Variants in ARHGEF7 observed in about 807,000 individuals in gnomAD.
ARHGEF7 encodes Rho guanine nucleotide exchange factor 7, also known as PAK-interacting exchange factor beta.
ARHGEF7 carries 33 observed loss-of-function variants against 109.8 expected under a neutral mutation model. The ratio of observed to expected loss-of-function variants is 0.30; its 90% CI spans 0.23 to 0.40. ARHGEF7 has a LOEUF of 0.40. Among genes scored for constraint, ARHGEF7 ranks in the 10% least tolerant of loss-of-function variants. ARHGEF7 has a pLI of 1.00. For missense variants in ARHGEF7, 938 were observed against 1,098.5 expected, an observed-to-expected ratio of 0.85 and a Z score of 2.07; for synonymous variants, 458 against 424.6, an observed-to-expected ratio of 1.08 and a Z score of -0.97.
intron 1 of ARHGEF7, among the ~76,000 whole-genome samples, chr13:111,136,122 A>C (rs1301792843): frequency 6.6e-6 from 1 of 152,178 alleles, no homozygotes; most frequent in African/African-American, 2.4e-5. Flanking sequence ...ATGTTGAACC[A>C]GCCTTGCATC....
intron 8 of ARHGEF7, among the ~76,000 whole-genome samples, chr13:111,248,878 G>T (rs1267599897): frequency 6.6e-6 from 1 of 152,154 alleles, no homozygotes; most frequent in African/African-American, 2.4e-5. Flanking sequence ...TTTGAATTGT[G>T]TCCTGTTTAC....
At chr13:111,123,344 C>A (rs530959071) in intron 1 of ARHGEF7, among the ~76,000 whole-genome samples, 1 of 152,338 alleles carries the variant, frequency 6.6e-6, no homozygotes, top group Admixed American at 6.5e-5. Context: ...AGCCAGCCAA[C>A]CTCAAACATT....
At chr13:111,289,483 C>T (rs934402871) in intron 18 of ARHGEF7, among the ~76,000 whole-genome samples, 1 of 152,180 alleles carries the variant, frequency 6.6e-6, no homozygotes, top group East Asian at 1.9e-4. Context: ...GCTGGGGCCT[C>T]GGACACCACA....
intron 1 of ARHGEF7, among the ~76,000 whole-genome samples, chr13:111,152,790 G>A (rs2075963314): frequency 6.6e-6 from 1 of 152,190 alleles, no homozygotes; most frequent in Non-Finnish European, 1.5e-5. Context: ...ATAATCCTTA[G>A]AGCAAAAAAC....
chr13:111,174,830 T>C (rs2077970248), intron 2 of ARHGEF7, among the ~76,000 whole-genome samples: 1 of 151,208 alleles, frequency 6.6e-6, no homozygotes, highest in South Asian at 2.1e-4. Flanking sequence ...TAGGAAGCAG[T>C]TTGCTGATAA....
intron 17 of ARHGEF7, 142 bp downstream of exon 17, chr13:111,286,382 A>G (rs1275052716): frequency 1.5e-6 from 1 of 680,422 alleles, no homozygotes; most frequent in African/African-American, 1.8e-5. Flanking sequence ...AGTGATAGGA[A>G]TAAGCCACGT....
chr13:111,159,728 T>G (rs551183712), intron 2 of ARHGEF7, among the ~76,000 whole-genome samples: 2 of 152,356 alleles, frequency 1.3e-5, no homozygotes, highest in Admixed American at 1.3e-4. Context: ...AGGTTTTTTT[T>G]TGTTACTGAG....
At chr13:111,151,488 A>G (rs895565918) in intron 1 of ARHGEF7, among the ~76,000 whole-genome samples, 5 of 152,214 alleles carry the variant, frequency 3.3e-5, no homozygotes, top group African/African-American at 1.2e-4. Flanking sequence ...AAGTCCATAT[A>G]TGACTTTTTT....
At position 111,304,295 on chromosome 13, in the gene ARHGEF7, C is replaced by G. The variant is rs995653868; in HGVS notation, c.*1182C>G. ...GCGGCTCGCTGGGCCCAGGCTGGCTCTGGAAAGCCTGTGCGGTCCTGGGCA... is the reference window on the plus strand; with the variant it reads ...GCGGCTCGCTGGGCCCAGGCTGGCTGTGGAAAGCCTGTGCGGTCCTGGGCA... On this transcript the variant is annotated 3_prime_UTR_variant, in exon 22 of 22. Transcript: ENST00000646102. 3.3e-5 allele frequency: 5 copies of G among 152,264 alleles called. No individual in the cohort carries two copies. Among genetic ancestry groups the G allele is most frequent in the Admixed American group, 2.0e-4 (3 of 15,286 alleles). The allele number at this position is 152,264 out of a possible 1,614,324, so 9.4% of individuals were successfully genotyped here.
chr13:111,235,353 C>T (rs2086657510), intron 6 of ARHGEF7, among the ~76,000 whole-genome samples: 1 of 152,214 alleles, frequency 6.6e-6, no homozygotes, highest in Non-Finnish European at 1.5e-5. Context: ...TAATACTTCT[C>T]AGATTGAAGC....
intron 5 of ARHGEF7, among the ~76,000 whole-genome samples, chr13:111,220,973 T>C (rs1302975062): frequency 6.6e-6 from 1 of 150,404 alleles, no homozygotes; most frequent in African/African-American, 2.4e-5. Context: ...TATAGATAGA[T>C]ATATAGATAT....
chr13:111,274,863 GA>G, intron 11 of ARHGEF7, 73 bp downstream of exon 11: 1 of 1,073,868 alleles, frequency 9.3e-7, no homozygotes, highest in South Asian at 2.6e-5. Context: ...ATTATCAACT[GA>G]AAAAGTCAAA....
intron 4 of ARHGEF7, among the ~76,000 whole-genome samples, chr13:111,211,157 G>A (rs2082441436): frequency 6.6e-6 from 1 of 152,218 alleles, no homozygotes; most frequent in African/African-American, 2.4e-5. Flanking sequence ...AGTCCTCACA[G>A]CAGCCCCGAG....
At chr13:111,212,631 C>T (rs918577633) in intron 4 of ARHGEF7, among the ~76,000 whole-genome samples, 1 of 152,146 alleles carries the variant, frequency 6.6e-6, no homozygotes, top group Admixed American at 6.5e-5. Context: ...TTCTGGAAAC[C>T]AGGGACCTGT....
Position 111,277,646 on chromosome 13 carries a change from T to C in ARHGEF7, c.1479T>C (p.Ser493=), listed in dbSNP as rs749177260. Reference sequence around the variant, plus strand: ...ATGTTTTGCTAATGTTGTCTGCCAGTCCTAGGATGAGTGGCTTTATCTATC... The same window carrying C: ...ATGTTTTGCTAATGTTGTCTGCCAGCCCTAGGATGAGTGGCTTTATCTATC... The part of the protein sequence containing the change: ...FPNVLLMLSA[S]PRMSGFIYQG... The change falls in exon 13 of 22, where the codon AGT becomes AGC. Residue 493 remains serine (S), a synonymous_variant. Transcript: ENST00000646102. 2.5e-6 allele frequency: 4 copies of C among 1,605,228 alleles called. 1 individual carries two copies. Among genetic ancestry groups the C allele is most frequent in the East Asian group, 4.5e-5 (2 of 44,802 alleles).
intron 4 of ARHGEF7, among the ~76,000 whole-genome samples, chr13:111,212,025 C>T (rs1206813813): frequency 6.6e-6 from 1 of 152,188 alleles, no homozygotes; most frequent in Non-Finnish European, 1.5e-5. Context: ...TCTTGTGTTG[C>T]TCCTTCATTA....
intron 8 of ARHGEF7, among the ~76,000 whole-genome samples, chr13:111,252,730 C>T (rs144174034): frequency 5.8e-4 from 89 of 152,256 alleles, no homozygotes; most frequent in African/African-American, 2.0e-3. Flanking sequence ...CTTTAAAGGA[C>T]CCCATGAGGC....
At chr13:111,229,392 A>G (rs1175670500) in intron 5 of ARHGEF7, among the ~76,000 whole-genome samples, 3 of 152,192 alleles carry the variant, frequency 2.0e-5, no homozygotes, top group Non-Finnish European at 4.4e-5. Flanking sequence ...TCACGGTGAT[A>G]CTAACCTGTT....
At chr13:111,243,747 C>T (rs535105721) in intron 6 of ARHGEF7, 125 bp from the exon 7 acceptor site, 3 of 634,186 alleles carry the variant, frequency 4.7e-6, no homozygotes, top group Non-Finnish European at 8.3e-6. Context: ...ATACTCAACA[C>T]TTTAGTATTA....
Sources: allele counts gnomAD v4.1 joint callset (sites outside exome capture counted in the v4.1 genomes callset), GRCh38; gene constraint gnomAD v4.1.1; transcripts MANE v1.5; gene names NCBI Gene and HGNC (gene_info 2026-07-23, HGNC 2026-07-21).